Variants in COL19A1 observed in about 807,000 individuals in gnomAD.
The protein encoded by COL19A1 is collagen alpha-1(XIX) chain.
COL19A1 carries 159 observed loss-of-function variants against 190.2 expected under a neutral mutation model. The observed-to-expected ratio is 0.84, with a 90% CI of 0.73 to 0.95. COL19A1 has a LOEUF of 0.95. COL19A1 is among the 40% of genes least tolerant of loss of function. COL19A1 has a pLI of 0.00. For missense variants in COL19A1, 1,418 were observed against 1,431.9 expected (o/e 0.99, Z 0.16); for synonymous variants, 509 against 458.9 (o/e 1.11, Z -1.39).
chr6:70,036,190 A>G (rs1322148439), intron 14 of COL19A1, among the ~76,000 whole-genome samples: 2 of 152,202 alleles, frequency 1.3e-5, no homozygotes, highest in Non-Finnish European at 2.9e-5. Flanking sequence ...AATTTCCTCT[A>G]TCCTCCATAT....
At position 69,878,522 on chromosome 6, in the gene COL19A1, A is replaced by T. The variant is rs1004919645; in HGVS notation, c.-32-1014A>T. On this transcript the variant is annotated intron_variant, in intron 1 of 50. Coordinates refer to ENST00000620364, the MANE Select transcript of COL19A1 (RefSeq NM_001858.6). ...GCCACCACGCTCGGCCTATATATAT[A>T]TTTTTTAAAAGACAAAATAGCAAGC... is the stretch of plus-strand genomic sequence containing the variant. Among the ~76,000 whole-genome samples, 10 of 152,160 alleles carry T rather than the reference A, an allele frequency of 6.6e-5. No individual in the cohort carries two copies. In the South Asian group the frequency reaches 1.2e-3, roughly 19 times the overall value.
intron 2 of COL19A1, among the ~76,000 whole-genome samples, chr6:69,883,968 G>T (rs1768738988): frequency 6.6e-6 from 1 of 151,984 alleles, no homozygotes; most frequent in Non-Finnish European, 1.5e-5. Flanking sequence ...AAAAAAAAGT[G>T]TAAAAGAGGG....
chr6:69,951,504 G>A (rs1582502116), intron 9 of COL19A1, among the ~76,000 whole-genome samples: 1 of 151,738 alleles, frequency 6.6e-6, no homozygotes, highest in South Asian at 2.1e-4. Context: ...AAACACTTGG[G>A]GGAATTTATA....
At chr6:70,064,960 A>G (rs999013797) in intron 14 of COL19A1, among the ~76,000 whole-genome samples, 4 of 152,228 alleles carry the variant, frequency 2.6e-5, no homozygotes, top group African/African-American at 9.6e-5. Context: ...ATAAAAGAGG[A>G]CACAAACAAA....
At chr6:70,111,128 A>G (rs539400120) in intron 16 of COL19A1, among the ~76,000 whole-genome samples, 4 of 152,318 alleles carry the variant, frequency 2.6e-5, no homozygotes, top group African/African-American at 4.8e-5. Context: ...GAGGATCTCC[A>G]TACTGTATGT....
intron 15 of COL19A1, among the ~76,000 whole-genome samples, chr6:70,091,852 C>T (rs1185584044): frequency 2.0e-5 from 3 of 152,072 alleles, no homozygotes; most frequent in South Asian, 4.1e-4. Flanking sequence ...CTGATGGGAG[C>T]TGAGGGAAGG....
At chr6:69,874,182 G>A (rs1024724756) in intron 1 of COL19A1, among the ~76,000 whole-genome samples, 11 of 152,156 alleles carry the variant, frequency 7.2e-5, no homozygotes, top group East Asian at 1.9e-4. Flanking sequence ...CCTGAGAACC[G>A]CAGGTGTCAG....
At chr6:70,061,052 T>C (rs1290502077) in intron 14 of COL19A1, among the ~76,000 whole-genome samples, 1 of 152,142 alleles carries the variant, frequency 6.6e-6, no homozygotes, top group East Asian at 1.9e-4. Flanking sequence ...AGGTTAAGTA[T>C]GTCTGTAATT....
Position 70,207,193 on chromosome 6 carries a change from C to T in COL19A1, c.3348C>T (p.Pro1116=), listed in dbSNP as rs1200811453. Residue 1116 remains proline, a synonymous_variant, in exon 51 of 51, where the codon CCC becomes CCT. Transcript: ENST00000620364. The part of the protein sequence containing the change: ...GSPGAPGPQG[P]PGPSGRCNPE... Reference sequence around the variant, plus strand: ...CAGGTGCCCCAGGCCCACAGGGCCCCCCAGGACCCAGTGGAAGATGTAACC... The same window carrying T: ...CAGGTGCCCCAGGCCCACAGGGCCCTCCAGGACCCAGTGGAAGATGTAACC... The T allele has an allele frequency of 6.2e-7, 1 of 1,613,954 alleles. No individual in the cohort carries two copies. The highest frequency in any genetic ancestry group is 1.1e-5 in the South Asian group (1 of 91,072).
At chr6:70,202,830 C>T (rs187390250) in intron 49 of COL19A1, among the ~76,000 whole-genome samples, 3 of 152,304 alleles carry the variant, frequency 2.0e-5, no homozygotes, top group Admixed American at 6.5e-5. Context: ...TGCAGTTTTT[C>T]TAATGTTTCC....
At chr6:70,190,213 A>G (rs2150296810) in intron 47 of COL19A1, 102 bp from the exon 48 acceptor site, 1 of 814,582 alleles carries the variant, frequency 1.2e-6, no homozygotes, top group South Asian at 1.6e-5. Flanking sequence ...TGATAAATGC[A>G]TCCCTACAGA....
At chr6:70,194,810 C>T (rs919009783) in intron 48 of COL19A1, among the ~76,000 whole-genome samples, 8 of 152,050 alleles carry the variant, frequency 5.3e-5, no homozygotes, top group Admixed American at 1.3e-4. Flanking sequence ...GTTCTTGAGT[C>T]AAACATGGGA....
intron 14 of COL19A1, among the ~76,000 whole-genome samples, chr6:70,053,111 A>G (rs898438380): frequency 2.6e-5 from 4 of 152,170 alleles, no homozygotes; most frequent in Admixed American, 6.5e-5. Context: ...GGGCTTCCAC[A>G]TTTTGCTTCT....
At chr6:70,078,846 A>G (rs190329929) in intron 15 of COL19A1, among the ~76,000 whole-genome samples, 113 of 152,148 alleles carry the variant, frequency 7.4e-4, no homozygotes, top group African/African-American at 2.6e-3. Flanking sequence ...GCGGGCAGGT[A>G]ACTTGAGGTC....
chr6:70,188,351 A>G (rs1766657739), intron 47 of COL19A1, 106 bp downstream of exon 47: 3 of 1,329,900 alleles, frequency 2.3e-6, no homozygotes, highest in Non-Finnish European at 3.0e-6. Context: ...AACAAACCTA[A>G]ACTGGTCCCC....
In COL19A1 at chr6:70,121,875, T is replaced by C; in HGVS notation, c.1279-5T>C. The C allele has an allele frequency of 1.3e-6, 2 of 1,569,238 alleles. No individual in the cohort carries two copies. Among genetic ancestry groups the C allele is most frequent in the Non-Finnish European group, 1.7e-6 (2 of 1,153,668 alleles). ...ATATTTGTCTTTGATTTGTTTATAA[T>C]ACAGGGACCTCCTGGAATACAAGGA... On this transcript the variant is annotated splice_region_variant and splice_polypyrimidine_tract_variant and intron_variant, in intron 16 of 50. Coordinates refer to ENST00000620364, the MANE Select transcript of COL19A1 (RefSeq NM_001858.6).
rs1782897593 is a variant in COL19A1 at position 70,091,039 on chromosome 6, C to G, written c.1225-11130C>G. ...TCCCTGATTTTTCTATCTAAAACAG[C>G]ACACCTTCCTGTATAACTCTGTACT... On this transcript the variant is annotated intron_variant, in intron 15 of 50. Coordinates refer to ENST00000620364, the MANE Select transcript of COL19A1 (RefSeq NM_001858.6). Among the ~76,000 whole-genome samples the G allele has an allele frequency of 2.6e-5, 4 of 152,316 alleles. No individual in the cohort carries two copies. In the South Asian group the frequency reaches 8.3e-4, roughly 32 times the overall value.
At chr6:69,987,534 G>T (rs573335982) in intron 11 of COL19A1, among the ~76,000 whole-genome samples, 1 of 152,258 alleles carries the variant, frequency 6.6e-6, no homozygotes, top group South Asian at 2.1e-4. Context: ...CGATTGCTTG[G>T]TTTCACAAAC....
In COL19A1 at chr6:70,210,853, T is replaced by G. The variant is rs1768151033; in HGVS notation, c.*3579T>G. 6.6e-6 allele frequency among the ~76,000 whole-genome samples: 1 copy of G among 152,150 alleles called. No individual in the cohort carries two copies. The highest frequency in any genetic ancestry group is 6.5e-5 in the Admixed American group (1 of 15,278). The stretch of plus-strand genomic sequence containing the variant: ...TATGTTTTTCCTAATTTTAAGCATC[T>G]TTATGAAACAGGCACAGTACCCTTT... On this transcript the variant is annotated 3_prime_UTR_variant, in exon 51 of 51. Transcript: ENST00000620364.
Sources: allele counts gnomAD v4.1 joint callset (sites outside exome capture counted in the v4.1 genomes callset), GRCh38; gene constraint gnomAD v4.1.1; transcripts MANE v1.5; gene names NCBI Gene and HGNC (gene_info 2026-07-23, HGNC 2026-07-21).